The following EXOC1L variants were observed in gnomAD, a reference collection of about 807,000 sequenced individuals.
EXOC1L encodes the protein exocyst complex component 1 like.
EXOC1L carries 10 observed loss-of-function variants against 4.9 expected under a neutral mutation model. The observed-to-expected ratio is 2.02, with a 90% CI of 1.25 to 3.43. The LOEUF is 3.43. Ranked by LOEUF, EXOC1L falls within the 30% of genes most tolerant of loss-of-function variation. EXOC1L has a pLI of 0.00. For missense variants in EXOC1L, 114 were observed against 59.4 expected (o/e 1.92, Z -3.02); for synonymous variants, 41 against 20.8 (o/e 1.97, Z -2.63).
At chr4:55,826,969 G>A (rs935508448) in intron 1 of EXOC1L, among the ~76,000 whole-genome samples, 4 of 152,194 alleles carry the variant, frequency 2.6e-5, no homozygotes, top group African/African-American at 9.7e-5. Context: ...CCTTCTTCAT[G>A]TCTCTTCTCT....
chr4:55,825,682 T>G (rs1321733789), intron 1 of EXOC1L, among the ~76,000 whole-genome samples: 1 of 152,188 alleles, frequency 6.6e-6, no homozygotes, highest in African/African-American at 2.4e-5. Flanking sequence ...CATCAGCAAC[T>G]CATGTCCTTA....
At chr4:55,829,592 T>C (rs888634731) in intron 1 of EXOC1L, among the ~76,000 whole-genome samples, 28 of 152,210 alleles carry the variant, frequency 1.8e-4, no homozygotes, top group African/African-American at 6.8e-4. Flanking sequence ...CGAACAGGTG[T>C]TGCTATAAGA....
At chr4:55,821,438 T>A (rs1719735130) in intron 1 of EXOC1L, among the ~76,000 whole-genome samples, 1 of 152,144 alleles carries the variant, frequency 6.6e-6, no homozygotes, top group African/African-American at 2.4e-5. Context: ...TTAGAGAAGA[T>A]GCTTATTCCA....
chr4:55,823,342 G>C (rs1228520783), intron 1 of EXOC1L, among the ~76,000 whole-genome samples: 4 of 152,132 alleles, frequency 2.6e-5, no homozygotes, highest in African/African-American at 9.7e-5. Context: ...GACCACTGCT[G>C]CTACATTTGT....
At chr4:55,827,937 C>T (rs62310530) in intron 1 of EXOC1L, among the ~76,000 whole-genome samples, 60,511 of 152,018 alleles carry the variant, frequency 0.4, 12,609 homozygotes, top group Non-Finnish European at 0.45. Flanking sequence ...CCAGTGGAGA[C>T]GGAAACTTTT....
intron 2 of EXOC1L, among the ~76,000 whole-genome samples, chr4:55,834,090 C>T (rs917979302): frequency 2.0e-5 from 3 of 151,782 alleles, no homozygotes; most frequent in Admixed American, 6.6e-5. Flanking sequence ...ATTTAATTTA[C>T]ATAAATGTAA....
At chr4:55,822,031 T>G (rs1719757176) in intron 1 of EXOC1L, among the ~76,000 whole-genome samples, 1 of 152,206 alleles carries the variant, frequency 6.6e-6, no homozygotes, top group Non-Finnish European at 1.5e-5. Flanking sequence ...GATGTGAAAC[T>G]CCATACTTTG....
At chr4:55,829,185 G>A (rs1719962625) in intron 1 of EXOC1L, among the ~76,000 whole-genome samples, 1 of 152,066 alleles carries the variant, frequency 6.6e-6, no homozygotes, top group Non-Finnish European at 1.5e-5. Flanking sequence ...TACTACAACA[G>A]CCTCTTAAAA....
chr4:55,829,889 T>C (rs1719979298), intron 1 of EXOC1L, among the ~76,000 whole-genome samples: 1 of 152,152 alleles, frequency 6.6e-6, no homozygotes, highest in African/African-American at 2.4e-5. Context: ...TTCAAAACAT[T>C]TTCACAACCT....
intron 1 of EXOC1L, among the ~76,000 whole-genome samples, chr4:55,824,280 C>T (rs566476610): frequency 6.6e-6 from 1 of 151,662 alleles, no homozygotes; most frequent in Admixed American, 6.6e-5. Flanking sequence ...CTCTCACACA[C>T]ACACACACAC....
At chr4:55,830,472 C>T in intron 1 of EXOC1L, among the ~76,000 whole-genome samples, 1 of 152,164 alleles carries the variant, frequency 6.6e-6, no homozygotes, top group South Asian at 2.1e-4. Flanking sequence ...CCTGCGGCAT[C>T]TATTACAGTT....
At chr4:55,821,593 A>C (rs889829782) in intron 1 of EXOC1L, among the ~76,000 whole-genome samples, 19 of 152,298 alleles carry the variant, frequency 1.2e-4, no homozygotes, top group African/African-American at 4.6e-4. Context: ...TAACTTACCA[A>C]ATATATCTTA....
intron 2 of EXOC1L, among the ~76,000 whole-genome samples, chr4:55,833,170 T>C (rs939822970): frequency 6.6e-6 from 1 of 151,922 alleles, no homozygotes; most frequent in Non-Finnish European, 1.5e-5. Context: ...AAATATATTA[T>C]TACATATTTA....
chr4:55,836,705 C>A (rs1347795354), intron 2 of EXOC1L, among the ~76,000 whole-genome samples: 1 of 151,908 alleles, frequency 6.6e-6, no homozygotes, highest in Non-Finnish European at 1.5e-5. Context: ...AGGAACCAAC[C>A]TCGTACTAAA....
chr4:55,831,758 T>C (rs545695586), intron 2 of EXOC1L, among the ~76,000 whole-genome samples: 1 of 152,196 alleles, frequency 6.6e-6, no homozygotes, highest in South Asian at 2.1e-4. Flanking sequence ...CTTTTCCAAA[T>C]ATATGATGCT....
rs1719848036 is a variant in EXOC1L, at chr4:55,825,128, T to A, written c.121+4981T>A. 3.9e-5 allele frequency among the ~76,000 whole-genome samples: 6 copies of A among 152,316 alleles called. No homozygotes were observed. In the South Asian group the frequency reaches 1.2e-3, roughly 32 times the overall value. On this transcript the variant is annotated intron_variant, in intron 1 of 2. Transcript: ENST00000636125. ...ATGCCTGCTGAGTGTCAGGCACAAG[T>A]CCATTTAGTACCATTTATATGCTTT...
intron 1 of EXOC1L, among the ~76,000 whole-genome samples, chr4:55,822,084 C>G (rs1033515836): frequency 1.3e-5 from 2 of 152,184 alleles, no homozygotes; most frequent in Non-Finnish European, 2.9e-5. Flanking sequence ...TTATGATTTC[C>G]TCTTTATTCC....
Position 55,831,457 on chromosome 4 carries a change from C to G in EXOC1L, c.245C>G (p.Ala82Gly). ...NDLQMIDGKE[A>G]DTDNPFFDLH... ...CTGCAGATGATTGATGGAAAAGAAG[C>G]AGATACTGTAAGTGTTACATTTTAT... Residue 82 changes from alanine to glycine, a missense_variant, in exon 2 of 3, where the codon GCA (alanine) becomes GGA (glycine). By Grantham distance (60) the Ala-to-Gly change is moderately conservative (BLOSUM62 0). Coordinates refer to ENST00000636125, the MANE Select transcript of EXOC1L (RefSeq NM_001351574.3). 2 of 689,380 alleles carry G rather than the reference C, an allele frequency of 2.9e-6. No homozygotes were observed. Among genetic ancestry groups the G allele is most frequent in the Non-Finnish European group, 5.3e-6 (2 of 380,288 alleles). 42.7% of individuals were successfully genotyped at this position (689,380 alleles called of 1,614,324 possible). A position where few individuals can be genotyped will look rare whatever the true frequency, so the allele number is the denominator to read the frequency against.
chr4:55,828,530 C>T (rs1719940723), intron 1 of EXOC1L, among the ~76,000 whole-genome samples: 1 of 152,124 alleles, frequency 6.6e-6, no homozygotes, highest in African/African-American at 2.4e-5. Flanking sequence ...CTGCTCTTTT[C>T]TCTACAAATG....
Sources: gnomAD v4.1 joint callset for allele counts (sites outside exome capture counted in the v4.1 genomes callset) on GRCh38, gnomAD v4.1.1 for gene constraint, MANE v1.5 for transcripts, NCBI Gene and HGNC (gene_info 2026-07-23, HGNC 2026-07-21) for gene names.